GRIK1: variants seen among roughly 807,000 people sequenced by gnomAD.
GRIK1 encodes the protein glutamate ionotropic receptor kainate type subunit 1.
Under a neutral mutation model 105.7 loss-of-function variants are expected in GRIK1, and 69 were observed. That is an observed-to-expected ratio of 0.65 (90% CI 0.54 to 0.80). GRIK1 has a LOEUF of 0.80. Ranked by LOEUF, GRIK1 falls within the 30% of genes least tolerant of loss-of-function variation. The pLI, the probability that GRIK1 is intolerant of heterozygous loss-of-function variation, is 0.00. For missense variants in GRIK1, 1,109 were observed against 1,167.3 expected (o/e 0.95, Z 0.73); for synonymous variants, 438 against 431.3 (o/e 1.02, Z -0.19).
At chr21:29,658,757 C>T (rs1185573835) in intron 4 of GRIK1, among the ~76,000 whole-genome samples, 1 of 152,134 alleles carries the variant, frequency 6.6e-6, no homozygotes, top group Non-Finnish European at 1.5e-5. Context: ...AGTTTTCCAA[C>T]TCAAAGGGTA....
intron 1 of GRIK1, among the ~76,000 whole-genome samples, chr21:29,780,170 G>A (rs2066055493): frequency 1.3e-5 from 2 of 152,190 alleles, no homozygotes; most frequent in African/African-American, 4.8e-5. Flanking sequence ...ATGCCAGCTA[G>A]TATCTACTTA....
intron 1 of GRIK1, among the ~76,000 whole-genome samples, chr21:29,717,358 A>ACC (rs1223814898): frequency 6.6e-6 from 1 of 152,208 alleles, no homozygotes; most frequent in African/African-American, 2.4e-5. Flanking sequence ...AACAGCTTGC[A>ACC]CCATGTGCCT....
chr21:29,714,511 A>T (rs2064133816), intron 1 of GRIK1, among the ~76,000 whole-genome samples: 1 of 152,178 alleles, frequency 6.6e-6, no homozygotes, highest in African/African-American at 2.4e-5. Flanking sequence ...TGAAACCAGG[A>T]CAGTAGGTCA....
chr21:29,596,334 G>C (rs2061411784), intron 9 of GRIK1, 192 bp downstream of exon 9: 1 of 708,934 alleles, frequency 1.4e-6, no homozygotes. Context: ...CTGCAAACCT[G>C]TTTTCAATTC....
intron 1 of GRIK1, among the ~76,000 whole-genome samples, chr21:29,823,847 G>A (rs1291325965): frequency 3.9e-5 from 6 of 151,966 alleles, no homozygotes; most frequent in Admixed American, 1.3e-4. Flanking sequence ...GCTCTCCCAA[G>A]CAGAATACAT....
intron 1 of GRIK1, among the ~76,000 whole-genome samples, chr21:29,806,689 C>A (rs763159419): frequency 2.0e-5 from 3 of 152,054 alleles, no homozygotes; most frequent in African/African-American, 7.2e-5. Context: ...TTAATTAATT[C>A]ATATACTGAG....
chr21:29,870,895 C>A (rs1475464487), intron 1 of GRIK1, among the ~76,000 whole-genome samples: 1 of 152,018 alleles, frequency 6.6e-6, no homozygotes, highest in African/African-American at 2.4e-5. Flanking sequence ...CTTTTGGGTA[C>A]CTGGCTGATC....
At chr21:29,540,843 G>A (rs2089956610) in intron 16 of GRIK1, among the ~76,000 whole-genome samples, 1 of 152,148 alleles carries the variant, frequency 6.6e-6, no homozygotes, top group Non-Finnish European at 1.5e-5. Context: ...TGCAAAAGGA[G>A]GCGGGATACT....
At chr21:29,632,208 G>A (rs562390055) in intron 7 of GRIK1, among the ~76,000 whole-genome samples, 21 of 152,122 alleles carry the variant, frequency 1.4e-4, no homozygotes, top group African/African-American at 5.1e-4. Context: ...GCATTGTATG[G>A]TATGCCCTTC....
chr21:29,920,678 C>T (rs947073345), intron 1 of GRIK1, among the ~76,000 whole-genome samples: 13 of 152,050 alleles, frequency 8.5e-5, no homozygotes, highest in African/African-American at 3.1e-4. Flanking sequence ...TCATATGTAT[C>T]CAGTGGCCTG....
chr21:29,862,960 G>A (rs2068692543), intron 1 of GRIK1, among the ~76,000 whole-genome samples: 1 of 152,256 alleles, frequency 6.6e-6, no homozygotes, highest in African/African-American at 2.4e-5. Context: ...AATACTGATG[G>A]ACAACTGTAT....
intron 1 of GRIK1, among the ~76,000 whole-genome samples, chr21:29,744,633 T>C (rs1004422451): frequency 6.6e-6 from 1 of 152,002 alleles, no homozygotes; most frequent in Non-Finnish European, 1.5e-5. Flanking sequence ...ACAGCTCTCC[T>C]TCATTCAGGT....
At chr21:29,582,595 T>C (rs181533797) in intron 12 of GRIK1, among the ~76,000 whole-genome samples, 1 of 152,286 alleles carries the variant, frequency 6.6e-6, no homozygotes, top group Admixed American at 6.5e-5. Context: ...TTTCTCTATT[T>C]TTTTAAGCAT....
intron 14 of GRIK1, among the ~76,000 whole-genome samples, chr21:29,565,463 A>C (rs1433055914): frequency 6.6e-6 from 1 of 151,988 alleles, no homozygotes; most frequent in Non-Finnish European, 1.5e-5. Context: ...ACGTTGTTTC[A>C]CTCTTGTTCC....
At chr21:29,619,209 C>A (rs1350516122) in intron 7 of GRIK1, among the ~76,000 whole-genome samples, 1 of 144,994 alleles carries the variant, frequency 6.9e-6, no homozygotes, top group South Asian at 2.2e-4. Context: ...GAGGCCAAAG[C>A]GGGCAGATCA....
At position 29,828,007 on chromosome 21, in the gene GRIK1, C is replaced by CTG. The variant is rs1323680417; in HGVS notation, c.118+111375_118+111376insCA. ...TCTCTCTCTCTCTCTCTCTCTGTCT[C>CTG]TCTCTGTGTGTGTGTGTGTGTGTGT... On this transcript the variant is annotated intron_variant, in intron 1 of 17. Coordinates refer to ENST00000327783, the MANE Select transcript of GRIK1 (RefSeq NM_001330994.2). Among the ~76,000 whole-genome samples the CTG allele has an allele frequency of 1.2e-3, 146 of 124,216 alleles. 2 individuals carry two copies. Among genetic ancestry groups the CTG allele is most frequent in the African/African-American group, 4.2e-3 (131 of 31,234 alleles). 81.5% of individuals were successfully genotyped at this position (124,216 alleles called of 152,430 possible). A position where few individuals can be genotyped will look rare whatever the true frequency, so the allele number is the denominator to read the frequency against.
At chr21:29,736,371 C>A (rs1234257319) in intron 1 of GRIK1, among the ~76,000 whole-genome samples, 1 of 152,096 alleles carries the variant, frequency 6.6e-6, no homozygotes, top group African/African-American at 2.4e-5. Context: ...GCTGGGACCA[C>A]AGGTGCATGC....
Position 29,600,227 on chromosome 21 carries a change from T to G in GRIK1, c.1099-1290A>C, listed in dbSNP as rs190547489. ...ATCACCTATGCAAAGGCCTTTTTGCTATATAAATTAACATTTACAGGTTCC... is the reference window on the plus strand; with the variant it reads ...ATCACCTATGCAAAGGCCTTTTTGCGATATAAATTAACATTTACAGGTTCC... On this transcript the variant is annotated intron_variant, in intron 7 of 17. Transcript: ENST00000327783. Among the ~76,000 whole-genome samples the G allele has an allele frequency of 1.0e-3, 158 of 152,342 alleles. 1 individual carries two copies. The highest frequency in any genetic ancestry group is 6.6e-4 in the Non-Finnish European group (45 of 68,034).
intron 1 of GRIK1, among the ~76,000 whole-genome samples, chr21:29,923,196 C>T (rs1021016069): frequency 6.6e-6 from 1 of 152,122 alleles, no homozygotes; most frequent in Non-Finnish European, 1.5e-5. Flanking sequence ...GTGATACTGT[C>T]CTCCTTCAAA....
Sources: allele counts gnomAD v4.1 joint callset (sites outside exome capture counted in the v4.1 genomes callset), GRCh38; gene constraint gnomAD v4.1.1; transcripts MANE v1.5; gene names NCBI Gene and HGNC (gene_info 2026-07-23, HGNC 2026-07-21).